A1CF: variants seen among roughly 807,000 people sequenced by gnomAD.
A1CF encodes APOBEC1 complementation factor, also known as APOBEC-1 stimulating protein.
Under a neutral mutation model 68.9 loss-of-function variants are expected in A1CF, and 48 were observed. The observed-to-expected ratio is 0.70, with a 90% CI of 0.55 to 0.89. A1CF has a LOEUF of 0.89. Among genes scored for constraint, A1CF ranks in the 40% least tolerant of loss-of-function variants. The pLI is 0.00. For missense variants in A1CF, 653 were observed against 718.9 expected, an observed-to-expected ratio of 0.91 and a Z score of 1.05; for synonymous variants, 272 against 260.4, an observed-to-expected ratio of 1.04 and a Z score of -0.43.
At chr10:50,844,249 G>C (rs1839901306) in intron 3 of A1CF, 127 bp from the exon 4 acceptor site, 1 of 1,354,740 alleles carries the variant, frequency 7.4e-7, no homozygotes, top group Non-Finnish European at 1.0e-6. Context: ...TAATAATAGT[G>C]GACTGGTTAA....
At chr10:50,861,624 G>A (rs1317285401) in intron 2 of A1CF, among the ~76,000 whole-genome samples, 1 of 147,584 alleles carries the variant, frequency 6.8e-6, no homozygotes, top group African/African-American at 2.5e-5. Context: ...AATAACACTA[G>A]TATTACTAAT....
chr10:50,841,967 A>T lies in A1CF; in HGVS notation c.260T>A (p.Met87Lys). ...ATTGTTGCCATTAAAATCCATCATCATTCTCATTTCATAAATTTTACCGAT... is the reference window on the plus strand; with the variant it reads ...ATTGTTGCCATTAAAATCCATCATCTTTCTCATTTCATAAATTTTACCGAT... ...EKIGKIYEMR[M>K]MMDFNGNNRG... The change falls in exon 5 of 13, where the codon ATG becomes AAG. Residue 87 changes from methionine to lysine, a missense_variant. By Grantham distance (95) the Met-to-Lys change is moderately conservative. Transcript: ENST00000373997. The T allele has an allele frequency of 6.2e-7, 1 of 1,610,006 alleles. No homozygotes were observed. Among genetic ancestry groups the T allele is most frequent in the East Asian group, 2.2e-5 (1 of 44,760 alleles).
intron 11 of A1CF, 90 bp downstream of exon 11, chr10:50,810,950 T>G: frequency 7.3e-7 from 1 of 1,373,620 alleles, no homozygotes; most frequent in South Asian, 1.7e-5. Flanking sequence ...GTAGTAGACC[T>G]CAGTATCTTG....
At chr10:50,825,475 T>C (rs1838875459) in intron 7 of A1CF, among the ~76,000 whole-genome samples, 1 of 152,160 alleles carries the variant, frequency 6.6e-6, no homozygotes, top group Non-Finnish European at 1.5e-5. Context: ...CTTTGATAAG[T>C]TCCATAATGA....
At chr10:50,819,867 C>T (rs1359223453) in intron 8 of A1CF, among the ~76,000 whole-genome samples, 4 of 152,154 alleles carry the variant, frequency 2.6e-5, no homozygotes, top group East Asian at 1.9e-4. Context: ...TTGCTCACCA[C>T]GTTTATCTCT....
intron 3 of A1CF, among the ~76,000 whole-genome samples, chr10:50,856,141 G>C (rs758813389): frequency 9.9e-5 from 15 of 151,946 alleles, no homozygotes; most frequent in Non-Finnish European, 1.6e-4. Context: ...GAAGATACTA[G>C]AATCACAAAA....
chr10:50,811,019 G>A, intron 11 of A1CF, 21 bp downstream of exon 11: 2 of 1,602,474 alleles, frequency 1.2e-6, no homozygotes. Flanking sequence ...AAATGGTAAG[G>A]AATTTGGAGA....
At chr10:50,812,488 T>C (rs528717832) in intron 10 of A1CF, among the ~76,000 whole-genome samples, 9 of 152,372 alleles carry the variant, frequency 5.9e-5, no homozygotes, top group African/African-American at 1.4e-4. Context: ...GAGTTTAATG[T>C]AAAATGAAGA....
intron 1 of A1CF, among the ~76,000 whole-genome samples, chr10:50,883,481 G>C (rs1022107169): frequency 6.6e-6 from 1 of 152,152 alleles, no homozygotes; most frequent in African/African-American, 2.4e-5. Flanking sequence ...AATTTTAAAA[G>C]TTTCTCAGAT....
At chr10:50,841,803 A>T in intron 5 of A1CF, 59 bp downstream of exon 5, 2 of 1,589,988 alleles carry the variant, frequency 1.3e-6, no homozygotes, top group Middle Eastern at 1.7e-4. Context: ...AACTTGATAG[A>T]AAAACAGACA....
rs531281267 is a variant in A1CF, at chr10:50,881,084, G to A, written c.-94+4497C>T. On this transcript the variant is annotated intron_variant, in intron 1 of 12. Transcript: ENST00000373997. ...GGCTCACTGCAACCTTCGCCTCCTGGGTTCAAGTGATTTTCCCGCCTCAGC... is the reference window on the plus strand; with the variant it reads ...GGCTCACTGCAACCTTCGCCTCCTGAGTTCAAGTGATTTTCCCGCCTCAGC... Among the ~76,000 whole-genome samples, 12 of 152,048 alleles carry A rather than the reference G, an allele frequency of 7.9e-5. No individual in the cohort carries two copies. In the East Asian group the frequency reaches 1.9e-3, roughly 25 times the overall value.
intron 7 of A1CF, among the ~76,000 whole-genome samples, chr10:50,821,618 C>G (rs1220015312): frequency 6.6e-6 from 1 of 151,976 alleles, no homozygotes; most frequent in Non-Finnish European, 1.5e-5. Context: ...TCACCGCAAC[C>G]CACCCCTCCC....
chr10:50,852,325 T>C (rs1450224433), intron 3 of A1CF, among the ~76,000 whole-genome samples: 1 of 152,188 alleles, frequency 6.6e-6, no homozygotes. Flanking sequence ...CTTGGGATAA[T>C]GAAGTTCCCA....
At chr10:50,855,847 A>G (rs780336773) in intron 3 of A1CF, among the ~76,000 whole-genome samples, 2 of 151,998 alleles carry the variant, frequency 1.3e-5, no homozygotes, top group Admixed American at 6.6e-5. Context: ...CTAAACTATC[A>G]TTTTATGGGT....
rs147327556 is a variant in A1CF at position 50,846,888 on chromosome 10, T to C, written c.100-2766A>G. On this transcript the variant is annotated intron_variant, in intron 3 of 12. Transcript: ENST00000373997. The stretch of plus-strand genomic sequence containing the variant: ...CAGGGATGCCCTGTAGTTCACTCAG[T>C]AGGGGAGATTTGCTCTGTGAGCCAC... Among the ~76,000 whole-genome samples the C allele has an allele frequency of 5.8e-3, 882 of 152,268 alleles. 5 individuals are homozygous for C. Among genetic ancestry groups the C allele is most frequent in the Middle Eastern group, 0.014 (4 of 294 alleles).
chr10:50,840,038 G>A (rs781038349), intron 5 of A1CF, among the ~76,000 whole-genome samples: 9 of 152,206 alleles, frequency 5.9e-5, no homozygotes, highest in East Asian at 1.9e-4. Flanking sequence ...CACTGTGTCC[G>A]GCCCAGGAAT....
At chr10:50,847,302 C>T (rs1205711414) in intron 3 of A1CF, among the ~76,000 whole-genome samples, 4 of 152,192 alleles carry the variant, frequency 2.6e-5, no homozygotes, top group Non-Finnish European at 5.9e-5. Flanking sequence ...GGAAAGTCTT[C>T]ACCTATGTAA....
intron 1 of A1CF, among the ~76,000 whole-genome samples, chr10:50,884,278 CACA>C (rs1841908779): frequency 6.6e-6 from 1 of 152,102 alleles, no homozygotes; most frequent in Non-Finnish European, 1.5e-5. Context: ...AATGTTTGCC[CACA>C]ACAATATTTC....
intron 7 of A1CF, among the ~76,000 whole-genome samples, chr10:50,826,241 C>T (rs1838926339): frequency 6.6e-6 from 1 of 152,166 alleles, no homozygotes; most frequent in South Asian, 2.1e-4. Context: ...TAAATAATCA[C>T]ATAGATAAGT....
Sources: gnomAD v4.1 joint callset for allele counts (sites outside exome capture counted in the v4.1 genomes callset) on GRCh38, gnomAD v4.1.1 for gene constraint, MANE v1.5 for transcripts, NCBI Gene and HGNC (gene_info 2026-07-23, HGNC 2026-07-21) for gene names.